The following SHQ1 variants were observed in gnomAD, a reference collection of about 807,000 sequenced individuals.
SHQ1 encodes the protein SHQ1, H/ACA ribonucleoprotein assembly factor.
SHQ1 carries 49 observed loss-of-function variants against 53.8 expected under a neutral mutation model. That is an observed-to-expected ratio of 0.91 (90% CI 0.72 to 1.16). SHQ1 has a LOEUF of 1.16. Ranked by LOEUF, SHQ1 falls within the 50% of genes most tolerant of loss-of-function variation. SHQ1 has a pLI of 0.00. For missense variants in SHQ1, 738 were observed against 683.1 expected, an observed-to-expected ratio of 1.08 and a Z score of -0.90; for synonymous variants, 243 against 251.0, an observed-to-expected ratio of 0.97 and a Z score of 0.30.
At chr3:72,748,123 A>G (rs1326361438), downstream of SHQ1, among the ~76,000 whole-genome samples, 1 of 151,926 alleles carries the variant, frequency 6.6e-6, no homozygotes, top group Non-Finnish European at 1.5e-5. Flanking sequence ...GAATATCAGC[A>G]CTGGGGAATA....
chr3:72,729,583 T>C, the SHQ1 span, among the ~76,000 whole-genome samples: 2 of 152,230 alleles, frequency 1.3e-5, no homozygotes, highest in Admixed American at 1.3e-4. Flanking sequence ...ATTAAATGTC[T>C]AAAAAACACT....
At chr3:72,799,356 G>A (rs1364809896) in intron 9 of SHQ1, among the ~76,000 whole-genome samples, 1 of 152,088 alleles carries the variant, frequency 6.6e-6, no homozygotes, top group Admixed American at 6.6e-5. Flanking sequence ...GGATTCTGAT[G>A]AGACCATATT....
rs917182030 is a variant in SHQ1 at position 72,749,646 on chromosome 3, C to T, written c.*638G>A. On this transcript the variant is annotated 3_prime_UTR_variant, in exon 11 of 11. Transcript: ENST00000325599. ...GCCAACACATTGTACACTTTTGATACGTGCAGTTTATTGGGTGTCAAGTAC... is the reference window on the plus strand; with the variant it reads ...GCCAACACATTGTACACTTTTGATATGTGCAGTTTATTGGGTGTCAAGTAC... 21 of 216,318 alleles carry T rather than the reference C, an allele frequency of 9.7e-5. No individual in the cohort carries two copies. The highest frequency in any genetic ancestry group is 4.1e-4 in the African/African-American group (18 of 44,306). The allele number at this position is 216,318 out of a possible 1,614,324, so 13.4% of individuals were successfully genotyped here. A position where few individuals can be genotyped will look rare whatever the true frequency, so the allele number is the denominator to read the frequency against.
At chr3:72,844,583 C>A in intron 1 of SHQ1, 160 bp from the exon 2 acceptor site, 2 of 685,978 alleles carry the variant, frequency 2.9e-6, no homozygotes. Flanking sequence ...TAGATTCTTT[C>A]CCCAACCAAG....
At chr3:72,766,237 C>T (rs762124998) in intron 10 of SHQ1, among the ~76,000 whole-genome samples, 8 of 152,150 alleles carry the variant, frequency 5.3e-5, no homozygotes, top group Non-Finnish European at 4.4e-5. Flanking sequence ...TAGTGTAAGA[C>T]ACTCACAACA....
chr3:72,756,147 C>A (rs1705493914), intron 10 of SHQ1, among the ~76,000 whole-genome samples: 1 of 152,166 alleles, frequency 6.6e-6, no homozygotes, highest in Admixed American at 6.5e-5. Flanking sequence ...GATCCTCCCA[C>A]CTTGGCTTTC....
At chr3:72,781,519 C>A (rs1422231023) in intron 10 of SHQ1, among the ~76,000 whole-genome samples, 1 of 152,134 alleles carries the variant, frequency 6.6e-6, no homozygotes, top group Non-Finnish European at 1.5e-5. Context: ...ACTACAAATG[C>A]AGTTTTTCTC....
At chr3:72,760,142 A>T (rs986386676) in intron 10 of SHQ1, among the ~76,000 whole-genome samples, 1 of 152,188 alleles carries the variant, frequency 6.6e-6, no homozygotes, top group Non-Finnish European at 1.5e-5. Flanking sequence ...CACATCCCCC[A>T]TATCACTTCC....
chr3:72,744,374 G>A (rs1705220116), downstream of SHQ1, among the ~76,000 whole-genome samples: 1 of 152,218 alleles, frequency 6.6e-6, no homozygotes, highest in African/African-American at 2.4e-5. Context: ...ACCCTTCCCA[G>A]AGGTAAATCC....
At chr3:72,784,266 C>A (rs984143778) in intron 10 of SHQ1, among the ~76,000 whole-genome samples, 3 of 151,672 alleles carry the variant, frequency 2.0e-5, no homozygotes, top group Admixed American at 2.0e-4. Flanking sequence ...AGGAAGCATT[C>A]ATATCTTTAT....
At position 72,765,544 on chromosome 3, in the gene SHQ1, TATATATATA is replaced by T. The variant is rs1346673111; in HGVS notation, c.1182-14717_1182-14709del. On this transcript the variant is annotated intron_variant, in intron 10 of 10. Coordinates refer to ENST00000325599, the MANE Select transcript of SHQ1 (RefSeq NM_018130.3). ...GATTCACATGACATATATATATATA[TATATATATA>T]TATATTTTTTTTTTTTTTTTGAGAC... 2.7e-4 allele frequency among the ~76,000 whole-genome samples: 26 copies of T among 96,496 alleles called. 1 individual carries two copies. Among genetic ancestry groups the T allele is most frequent in the Admixed American group, 1.5e-3 (14 of 9,146 alleles). 63.3% of individuals were successfully genotyped at this position (96,496 alleles called of 152,430 possible).
At chr3:72,800,557 T>G (rs1242590051) in intron 9 of SHQ1, among the ~76,000 whole-genome samples, 1 of 152,242 alleles carries the variant, frequency 6.6e-6, no homozygotes, top group East Asian at 1.9e-4. Flanking sequence ...TATCACCATG[T>G]GTGATGAAGT....
intron 1 of SHQ1, chr3:72,846,123 G>A: frequency 7.7e-7 from 1 of 1,292,694 alleles, no homozygotes; most frequent in Non-Finnish European, 1.1e-6. Flanking sequence ...TGAGCATTCA[G>A]AAAATGTGAG....
chr3:72,806,790 A>G (rs1177323381), intron 9 of SHQ1, among the ~76,000 whole-genome samples: 5 of 152,198 alleles, frequency 3.3e-5, no homozygotes, highest in Admixed American at 6.5e-5. Context: ...CACAGCCTCT[A>G]TGAAAATTTC....
chr3:72,807,176 A>T lies in SHQ1; in HGVS notation c.1060+5495T>A, dbSNP rs139936063. ...GGTCAAATAAGGCAGAGGCTCCCAC[A>T]GTAGGAAGTTACATGTCTTCAGTGA... On this transcript the variant is annotated intron_variant, in intron 9 of 10. Transcript: ENST00000325599. Among the ~76,000 whole-genome samples the T allele has an allele frequency of 2.6e-5, 4 of 152,360 alleles. No homozygotes were observed. The East Asian group carries it at 7.7e-4, about 29-fold the overall frequency.
chr3:72,790,548 G>A (rs977805233), intron 10 of SHQ1, among the ~76,000 whole-genome samples: 1 of 151,898 alleles, frequency 6.6e-6, no homozygotes, highest in African/African-American at 2.4e-5. Context: ...TAAACCAGAA[G>A]GTAAAAGTGA....
At chr3:72,775,071 T>A (rs1188077350) in intron 10 of SHQ1, among the ~76,000 whole-genome samples, 2 of 152,142 alleles carry the variant, frequency 1.3e-5, no homozygotes. Flanking sequence ...GCAGAGATCA[T>A]GCCACTGCAG....
intron 10 of SHQ1, among the ~76,000 whole-genome samples, chr3:72,757,226 A>G (rs59974722): frequency 6.6e-5 from 10 of 152,158 alleles, no homozygotes; most frequent in Non-Finnish European, 1.3e-4. Context: ...AGAGCCCACA[A>G]TTGATCACAG....
At chr3:72,779,105 A>T (rs1458983401) in intron 10 of SHQ1, among the ~76,000 whole-genome samples, 1 of 152,222 alleles carries the variant, frequency 6.6e-6, no homozygotes, top group Non-Finnish European at 1.5e-5. Flanking sequence ...TCTTAGAATA[A>T]GGATAAAAAT....
Sources: gnomAD v4.1 joint callset for allele counts (sites outside exome capture counted in the v4.1 genomes callset) on GRCh38, gnomAD v4.1.1 for gene constraint, MANE v1.5 for transcripts, NCBI Gene and HGNC (gene_info 2026-07-23, HGNC 2026-07-21) for gene names.